Variants in PDE4D observed in about 807,000 individuals in gnomAD.
The protein encoded by PDE4D is 3',5'-cyclic-AMP phosphodiesterase 4D.
PDE4D carries 24 observed loss-of-function variants against 87.4 expected under a neutral mutation model. The observed-to-expected ratio is 0.27, with a 90% CI of 0.20 to 0.39. PDE4D has a LOEUF of 0.39. Ranked by LOEUF, PDE4D falls within the 10% of genes least tolerant of loss-of-function variation. PDE4D has a pLI of 1.00. For synonymous variants in PDE4D, 384 were observed against 383.2 expected (o/e 1.00, Z -0.02); for missense variants, 714 against 1,041.0 (o/e 0.69, Z 4.32).
At chr5:60,482,509 C>G (rs1330545823) in intron 1 of PDE4D, among the ~76,000 whole-genome samples, 1 of 152,146 alleles carries the variant, frequency 6.6e-6, no homozygotes, top group Non-Finnish European at 1.5e-5. Flanking sequence ...GAGCAGACTT[C>G]TATGAGTTTT....
At chr5:59,467,659 A>G (rs1374943893) in intron 1 of PDE4D, among the ~76,000 whole-genome samples, 1 of 152,222 alleles carries the variant, frequency 6.6e-6, no homozygotes, top group African/African-American at 2.4e-5. Context: ...CGGCCATATA[A>G]AAAAGGACTA....
At chr5:59,407,293 C>T (rs1178133512) in intron 1 of PDE4D, among the ~76,000 whole-genome samples, 2 of 152,298 alleles carry the variant, frequency 1.3e-5, no homozygotes, top group Non-Finnish European at 2.9e-5. Flanking sequence ...CAGCTTCCAC[C>T]ATGATTGAAA....
intron 1 of PDE4D, among the ~76,000 whole-genome samples, chr5:59,451,176 C>T (rs1799100854): frequency 6.6e-6 from 1 of 152,150 alleles, no homozygotes; most frequent in South Asian, 2.1e-4. Context: ...TTGGCCACTC[C>T]CTCCTTTCTG....
chr5:59,189,394 T>C (rs11952527), intron 3 of PDE4D, among the ~76,000 whole-genome samples: 3,909 of 152,106 alleles, frequency 0.026, 148 homozygotes, highest in African/African-American at 0.089. Context: ...GATATCTCCT[T>C]AGTCTGAATG....
intron 1 of PDE4D, among the ~76,000 whole-genome samples, chr5:59,271,126 A>G (rs1763753466): frequency 6.6e-6 from 1 of 150,946 alleles, no homozygotes; most frequent in Non-Finnish European, 1.5e-5. Context: ...TGTAACCTCC[A>G]CCTCCTGGGT....
chr5:59,058,455 A>G (rs112081037), intron 5 of PDE4D, among the ~76,000 whole-genome samples: 257 of 152,320 alleles, frequency 1.7e-3, no homozygotes, highest in African/African-American at 5.8e-3. Context: ...TCTTCCTTAT[A>G]GGTACAGAGT....
At chr5:59,732,623 C>G (rs1198704616) in intron 1 of PDE4D, among the ~76,000 whole-genome samples, 2 of 151,968 alleles carry the variant, frequency 1.3e-5, no homozygotes, top group East Asian at 3.9e-4. Flanking sequence ...GTCCCCTGAC[C>G]GGCCCTTTTC....
rs545020812 is a variant in PDE4D, at chr5:59,544,044, C to G, written c.456-328076G>C. Among the ~76,000 whole-genome samples the G allele has an allele frequency of 5.3e-5, 8 of 152,278 alleles. No individual in the cohort carries two copies. The South Asian group carries it at 1.7e-3, about 32-fold the overall frequency. ...ATACAAACACAAACTTCTAAACACT[C>G]ACAGGCCTGTGGCAACAAAATGCTA... is the stretch of plus-strand genomic sequence containing the variant. On this transcript the variant is annotated intron_variant, in intron 1 of 14. Transcript: ENST00000340635.
intron 1 of PDE4D, among the ~76,000 whole-genome samples, chr5:59,371,496 A>T (rs967900174): frequency 7.9e-5 from 12 of 152,124 alleles, no homozygotes; most frequent in African/African-American, 2.9e-4. Flanking sequence ...CATCTTTTAA[A>T]CTTAGTTTGA....
intron 1 of PDE4D, among the ~76,000 whole-genome samples, chr5:59,709,160 G>A (rs775880383): frequency 1.3e-5 from 2 of 152,092 alleles, no homozygotes; most frequent in Non-Finnish European, 2.9e-5. Context: ...GACTGAACCA[G>A]GATCAGAGCC....
At position 60,409,698 on chromosome 5, in the gene PDE4D, A is replaced by C. The variant is rs372819211; in HGVS notation, c.-90+78244T>G. Among the ~76,000 whole-genome samples, 5 of 152,360 alleles carry C rather than the reference A, an allele frequency of 3.3e-5. No individual in the cohort carries two copies. In the East Asian group the frequency reaches 5.8e-4, roughly 18 times the overall value. On this transcript the variant is annotated intron_variant, in intron 1 of 16. Coordinates refer to the PDE4D transcript ENST00000502484. ...GTTAATATTCAGCATCTGGCATTCA[A>C]AACAGGCCATTTGCCAAGTCTTACT...
At chr5:59,939,623 C>T (rs745923879) in intron 3 of PDE4D, among the ~76,000 whole-genome samples, 13 of 151,970 alleles carry the variant, frequency 8.6e-5, no homozygotes, top group Admixed American at 1.3e-4. Flanking sequence ...CAAAGACAAA[C>T]GAAGGGCAAA....
intron 1 of PDE4D, among the ~76,000 whole-genome samples, chr5:60,429,668 CATG>C (rs1249158871): frequency 1.3e-5 from 2 of 152,114 alleles, no homozygotes; most frequent in African/African-American, 4.8e-5. Context: ...AGGTTTTTAA[CATG>C]AAGGTTGCTG....
At chr5:59,783,424 A>G (rs758491624) in intron 1 of PDE4D, among the ~76,000 whole-genome samples, 4 of 152,222 alleles carry the variant, frequency 2.6e-5, no homozygotes, top group Non-Finnish European at 5.9e-5. Context: ...TATTTTACAC[A>G]GTCTTGAATA....
At chr5:60,366,531 G>A (rs866150938) in intron 1 of PDE4D, among the ~76,000 whole-genome samples, 3 of 152,318 alleles carry the variant, frequency 2.0e-5, no homozygotes, top group South Asian at 4.1e-4. Context: ...CAATGTGCAT[G>A]AAGCACTGTA....
intron 1 of PDE4D, among the ~76,000 whole-genome samples, chr5:59,444,307 G>T (rs567429907): frequency 6.6e-6 from 1 of 152,146 alleles, no homozygotes; most frequent in Non-Finnish European, 1.5e-5. Flanking sequence ...CATTAATGCC[G>T]AAAGATAACA....
intron 2 of PDE4D, among the ~76,000 whole-genome samples, chr5:60,173,071 G>A (rs1250364392): frequency 6.6e-6 from 1 of 152,032 alleles, no homozygotes; most frequent in African/African-American, 2.4e-5. Flanking sequence ...TATAAATATA[G>A]ATAATTGACT....
intron 5 of PDE4D, among the ~76,000 whole-genome samples, chr5:59,079,666 T>TTAATAATAATAATAATAA (rs148255590): frequency 0.066 from 9,572 of 146,028 alleles, 409 homozygotes; most frequent in Non-Finnish European, 0.099. Flanking sequence ...CTCTACAAAA[T>TTAATAATAATAATAATAA]TAATAATAAT....
chr5:60,460,185 C>G (rs753163420), intron 1 of PDE4D: 10 of 1,555,862 alleles, frequency 6.4e-6, no homozygotes, highest in Non-Finnish European at 8.8e-6. Context: ...TCATCAAATC[C>G]TTTCCAGATG....
Sources: allele counts gnomAD v4.1 joint callset (sites outside exome capture counted in the v4.1 genomes callset), GRCh38; gene constraint gnomAD v4.1.1; transcripts MANE v1.5; gene names NCBI Gene and HGNC (gene_info 2026-07-23, HGNC 2026-07-21).